HMGA2: variants seen among roughly 807,000 people sequenced by gnomAD.
HMGA2 encodes high mobility group AT-hook 2, also known as high mobility group protein HMGI-C.
In HMGA2, 8 loss-of-function variants were observed where a neutral mutation model predicts 19.1. The ratio of observed to expected loss-of-function variants is 0.42; its 90% CI spans 0.25 to 0.76. The LOEUF is 0.76. Ranked by LOEUF, HMGA2 falls within the 30% of genes least tolerant of loss-of-function variation. The pLI is 0.28. For missense variants in HMGA2, 109 were observed against 136.3 expected, an observed-to-expected ratio of 0.80 and a Z score of 1.00; for synonymous variants, 60 against 48.8, an observed-to-expected ratio of 1.23 and a Z score of -0.96.
intron 1 of HMGA2, chr12:65,826,618 A>G (rs1432026858): frequency 3.9e-5 from 6 of 152,056 alleles, no homozygotes; most frequent in Non-Finnish European, 8.8e-5. Flanking sequence ...GAAATCATCA[A>G]AGGAAACAAG....
intron 3 of HMGA2, among the ~76,000 whole-genome samples, chr12:65,911,974 T>A (rs377735869): frequency 6.6e-6 from 1 of 151,700 alleles, no homozygotes; most frequent in East Asian, 1.9e-4. Context: ...CTACTCTCTA[T>A]GGATCTGGCC....
At chr12:65,897,584 T>C (rs1326216046) in intron 3 of HMGA2, among the ~76,000 whole-genome samples, 1 of 152,174 alleles carries the variant, frequency 6.6e-6, no homozygotes, top group African/African-American at 2.4e-5. Flanking sequence ...TGAGCAAGCA[T>C]GCAGAGCAGC....
intron 3 of HMGA2, chr12:65,856,627 G>A (rs1042172404): frequency 3.9e-5 from 6 of 152,346 alleles, no homozygotes; most frequent in African/African-American, 1.4e-4. Flanking sequence ...TACCACAACA[G>A]AAATTTGCTC....
At chr12:65,888,213 T>C (rs1376390285) in intron 3 of HMGA2, among the ~76,000 whole-genome samples, 3 of 152,054 alleles carry the variant, frequency 2.0e-5, no homozygotes, top group African/African-American at 7.2e-5. Context: ...CCCAGCACTT[T>C]AGGAGGCCGA....
Position 65,965,486 on chromosome 12 carries a change from C to T in HMGA2, c.*2194C>T. The T allele has an allele frequency of 4.8e-6, 1 of 206,710 alleles. No homozygotes were observed. The highest frequency in any genetic ancestry group is 9.9e-6 in the Non-Finnish European group (1 of 100,972). 12.8% of individuals were successfully genotyped at this position (206,710 alleles called of 1,614,324 possible). On this transcript the variant is annotated 3_prime_UTR_variant, in exon 5 of 5. Coordinates refer to ENST00000403681, the MANE Select transcript of HMGA2 (RefSeq NM_003483.6). ...ATGAAACTCAAAACCATCTCTCTTC[C>T]AGCTGCTTCAGGGAGGTAGTTTCAA... is the stretch of plus-strand genomic sequence containing the variant.
chr12:65,838,493 A>C, intron 2 of HMGA2, 26 bp from the exon 3 acceptor site: 1 of 1,596,190 alleles, frequency 6.3e-7, no homozygotes, highest in Non-Finnish European at 8.6e-7. Flanking sequence ...GTAGAAAACT[A>C]TAATGACTTC....
chr12:65,903,703 G>A (rs1222621147), intron 3 of HMGA2, among the ~76,000 whole-genome samples: 1 of 152,164 alleles, frequency 6.6e-6, no homozygotes, highest in African/African-American at 2.4e-5. Flanking sequence ...GACCTACAGA[G>A]GCTGTTTGTG....
chr12:65,884,991 CTATAA>C (rs1195637770), intron 3 of HMGA2, among the ~76,000 whole-genome samples: 2 of 152,070 alleles, frequency 1.3e-5, no homozygotes, highest in African/African-American at 2.4e-5. Context: ...AATTGATATT[CTATAA>C]TATAATTTGC....
intron 3 of HMGA2, among the ~76,000 whole-genome samples, chr12:65,902,837 C>A (rs1488602396): frequency 1.3e-5 from 2 of 152,124 alleles, no homozygotes; most frequent in Non-Finnish European, 2.9e-5. Flanking sequence ...TAAGATAATT[C>A]CAACTTCCTC....
chr12:65,915,581 C>T, intron 3 of HMGA2: 1 of 1,063,324 alleles, frequency 9.4e-7, no homozygotes, highest in Non-Finnish European at 1.1e-6. Flanking sequence ...TTTCCTTTCT[C>T]ATTCCATTGG....
At chr12:65,958,855 A>G (rs1195130125) in intron 4 of HMGA2, 1 of 134,140 alleles carries the variant, frequency 7.5e-6, no homozygotes, top group African/African-American at 2.6e-5. Context: ...TGCAGTTAAG[A>G]AAAAAAAAAA....
intron 4 of HMGA2, chr12:65,956,067 TCTAACAC>T (rs1876596763): frequency 6.9e-6 from 1 of 145,484 alleles, no homozygotes; most frequent in Non-Finnish European, 1.5e-5. Context: ...GCATTCTCAC[TCTAACAC>T]TCGTCTTTTA....
intron 3 of HMGA2, among the ~76,000 whole-genome samples, chr12:65,880,342 A>C (rs1160917831): frequency 6.6e-6 from 1 of 152,264 alleles, no homozygotes; most frequent in Non-Finnish European, 1.5e-5. Flanking sequence ...AAACTTTGCA[A>C]AAATATTTCT....
intron 3 of HMGA2, among the ~76,000 whole-genome samples, chr12:65,849,528 T>G (rs1399111327): frequency 6.6e-6 from 1 of 152,196 alleles, no homozygotes; most frequent in Non-Finnish European, 1.5e-5. Context: ...AATAAATCCC[T>G]TATTCCCCTT....
chr12:65,916,428 G>A (rs1875104453), intron 3 of HMGA2, among the ~76,000 whole-genome samples: 1 of 152,136 alleles, frequency 6.6e-6, no homozygotes, highest in Admixed American at 6.5e-5. Context: ...CATTTATCTT[G>A]TCTGCATTTT....
chr12:65,961,168 C>T (rs11175981), intron 4 of HMGA2, among the ~76,000 whole-genome samples: 6,577 of 152,198 alleles, frequency 0.043, 315 homozygotes, highest in African/African-American at 0.11. Flanking sequence ...GCTTTTATGC[C>T]GTGGTCTGTT....
intron 3 of HMGA2, among the ~76,000 whole-genome samples, chr12:65,923,523 TGGA>T (rs1875395227): frequency 6.6e-6 from 1 of 152,236 alleles, no homozygotes; most frequent in Non-Finnish European, 1.5e-5. Flanking sequence ...GCTACAGCAC[TGGA>T]CCAGTCCAAC....
intron 3 of HMGA2, among the ~76,000 whole-genome samples, chr12:65,911,616 C>T (rs1874849136): frequency 6.6e-6 from 1 of 152,172 alleles, no homozygotes; most frequent in South Asian, 2.1e-4. Context: ...TTCGATTCCA[C>T]AAACACGGCT....
chr12:65,964,474 C>T lies in HMGA2; in HGVS notation c.*1182C>T, dbSNP rs148192099. On this transcript the variant is annotated 3_prime_UTR_variant, in exon 5 of 5. Transcript: ENST00000403681. Reference sequence around the variant, plus strand: ...GATGGTTGACCAAGGTGCTTTTCTTCGGCTTGAGTTCACCATCTCTTCATT... The same window carrying T: ...GATGGTTGACCAAGGTGCTTTTCTTTGGCTTGAGTTCACCATCTCTTCATT... 14 of 219,806 alleles carry T rather than the reference C, an allele frequency of 6.4e-5. 1 individual carries two copies. The highest frequency in any genetic ancestry group is 9.1e-5 in the Non-Finnish European group (10 of 109,312). 13.6% of individuals were successfully genotyped at this position (219,806 alleles called of 1,614,324 possible).
Sources: gnomAD v4.1 joint callset for allele counts (sites outside exome capture counted in the v4.1 genomes callset) on GRCh38, gnomAD v4.1.1 for gene constraint, MANE v1.5 for transcripts, NCBI Gene and HGNC (gene_info 2026-07-23, HGNC 2026-07-21) for gene names.